The following LGSN variants were observed in gnomAD, a reference collection of about 807,000 sequenced individuals.
The protein encoded by LGSN is lengsin.
A neutral mutation model predicts 19.5 loss-of-function variants in LGSN; 21 were observed. That is an observed-to-expected ratio of 1.07 (90% confidence interval 0.76 to 1.55). The LOEUF (loss-of-function observed/expected upper bound fraction) is 1.55. Among genes scored for constraint, LGSN ranks in the 40% most tolerant of loss-of-function variants. The probability of loss-of-function intolerance (pLI) is 0.00; values close to 1 mark genes in which losing one functional copy is unlikely to be tolerated. For synonymous variants in LGSN, 257 were observed against 215.6 expected (o/e 1.19, Z -1.68); for missense variants, 673 against 608.5 (o/e 1.11, Z -1.12).
At chr6:63,412,225 GA>G in the LGSN span, among the ~76,000 whole-genome samples, 2 of 151,698 alleles carry the variant, frequency 1.3e-5, no homozygotes, top group Non-Finnish European at 2.9e-5. Flanking sequence ...AAATGAGCCG[GA>G]CATGGTGGCA....
chr6:63,357,834 T>G, the LGSN span, among the ~76,000 whole-genome samples: 6 of 152,190 alleles, frequency 3.9e-5, no homozygotes, highest in South Asian at 2.1e-4. Context: ...CTCTTTAGTT[T>G]AATTAGATCC....
the LGSN span, among the ~76,000 whole-genome samples, chr6:63,533,257 C>T: frequency 6.6e-6 from 1 of 152,128 alleles, no homozygotes; most frequent in African/African-American, 2.4e-5. Context: ...TGGCGCACAC[C>T]TGTTTTCTCA....
At chr6:63,562,880 A>C in the LGSN span, among the ~76,000 whole-genome samples, 5 of 152,188 alleles carry the variant, frequency 3.3e-5, no homozygotes, top group Admixed American at 1.3e-4. Context: ...TGAAAATGTG[A>C]AATTATGGAA....
chr6:63,446,850 G>A, the LGSN span, among the ~76,000 whole-genome samples: 1 of 152,330 alleles, frequency 6.6e-6, no homozygotes, highest in East Asian at 1.9e-4. Context: ...GGGAGTTTGA[G>A]ACCAGCCTGC....
At chr6:63,299,034 C>CT (rs1304432061) in intron 1 of LGSN, among the ~76,000 whole-genome samples, 4 of 152,226 alleles carry the variant, frequency 2.6e-5, no homozygotes, top group East Asian at 3.9e-4. Flanking sequence ...GTAAAGTAGG[C>CT]TTTTTTCTTT....
At chr6:63,399,649 G>A in the LGSN span, among the ~76,000 whole-genome samples, 2 of 151,568 alleles carry the variant, frequency 1.3e-5, no homozygotes, top group African/African-American at 4.9e-5. Flanking sequence ...ACCCGCCTCG[G>A]CCTCCCAAAG....
At chr6:63,526,867 T>C in the LGSN span, among the ~76,000 whole-genome samples, 1 of 148,136 alleles carries the variant, frequency 6.8e-6, no homozygotes, top group Non-Finnish European at 1.5e-5. Flanking sequence ...AGGGCTTCCA[T>C]AGGATGCATT....
chr6:63,285,817 C>T (rs1767512711), intron 2 of LGSN, 64 bp from the exon 3 acceptor site: 1 of 1,286,188 alleles, frequency 7.8e-7, no homozygotes, highest in East Asian at 2.3e-5. Context: ...CAAAAGGAGA[C>T]TGGAGACTAG....
At chr6:63,456,972 G>T in the LGSN span, among the ~76,000 whole-genome samples, 8 of 152,256 alleles carry the variant, frequency 5.3e-5, no homozygotes, top group African/African-American at 1.9e-4. Flanking sequence ...TCATTGTACT[G>T]CTTCTCCACC....
chr6:63,409,086 A>G, the LGSN span, among the ~76,000 whole-genome samples: 1 of 152,024 alleles, frequency 6.6e-6, no homozygotes, highest in Non-Finnish European at 1.5e-5. Context: ...ACTTTTTAAA[A>G]TATTTTGTAG....
chr6:63,484,736 G>GA, the LGSN span, among the ~76,000 whole-genome samples: 1 of 152,198 alleles, frequency 6.6e-6, no homozygotes, highest in African/African-American at 2.4e-5. Flanking sequence ...CCACGCAAGA[G>GA]AATATACCCA....
At chr6:63,390,871 A>AG in the LGSN span, among the ~76,000 whole-genome samples, 3 of 148,922 alleles carry the variant, frequency 2.0e-5, no homozygotes, top group African/African-American at 7.8e-5. Flanking sequence ...AAAAAAAAAA[A>AG]AAAAAAGAAA....
chr6:63,409,802 G>C, the LGSN span, among the ~76,000 whole-genome samples: 4 of 152,170 alleles, frequency 2.6e-5, no homozygotes, highest in Admixed American at 2.0e-4. Flanking sequence ...TTGGAAGGCC[G>C]AGATGGGCAG....
chr6:63,280,846 A>G lies in LGSN; in HGVS notation c.705T>C (p.His235=). 2 of 1,614,042 alleles carry G rather than the reference A, an allele frequency of 1.2e-6. No homozygotes were observed. The highest frequency in any genetic ancestry group is 8.5e-7 in the Non-Finnish European group (1 of 1,180,008). Residue 235 remains histidine, a synonymous_variant, in exon 4 of 4, where the codon CAT becomes CAC. Coordinates refer to ENST00000370657, the MANE Select transcript of LGSN (RefSeq NM_016571.3). ...SFPALTFLNN[H]DQPFMQELVD... The stretch of plus-strand genomic sequence containing the variant: ...CAAGTTCCTGCATGAAGGGCTGATC[A>G]TGGTTATTTAAAAATGTTAAAGCAG...
At chr6:63,551,914 T>C in the LGSN span, among the ~76,000 whole-genome samples, 1 of 152,224 alleles carries the variant, frequency 6.6e-6, no homozygotes, top group African/African-American at 2.4e-5. Context: ...GGTGTATATG[T>C]GCCACATTTT....
intron 1 of LGSN, among the ~76,000 whole-genome samples, chr6:63,317,448 A>G (rs1031681132): frequency 1.3e-5 from 2 of 152,154 alleles, no homozygotes; most frequent in Admixed American, 6.6e-5. Context: ...CTCAAATCTA[A>G]TTTTTGTCTT....
At chr6:63,332,556 G>A in the LGSN span, among the ~76,000 whole-genome samples, 11 of 152,082 alleles carry the variant, frequency 7.2e-5, no homozygotes, top group African/African-American at 7.2e-5. Flanking sequence ...GCAAATCAAC[G>A]GTCCCAACTC....
chr6:63,480,940 GATATATATATATATATATAT>G, the LGSN span, among the ~76,000 whole-genome samples: 6,480 of 59,914 alleles, frequency 0.11, 787 homozygotes, highest in African/African-American at 0.27. Context: ...TAAAGAAAAT[GATATATATATATATATATAT>G]ATATATATAT....
At chr6:63,310,868 C>T (rs1039516633) in intron 1 of LGSN, among the ~76,000 whole-genome samples, 5 of 152,300 alleles carry the variant, frequency 3.3e-5, no homozygotes, top group South Asian at 2.1e-4. Context: ...GGAGCATCAT[C>T]GTGGTGAAGT....
Sources: allele counts gnomAD v4.1 joint callset (sites outside exome capture counted in the v4.1 genomes callset), GRCh38; gene constraint gnomAD v4.1.1; transcripts MANE v1.5; gene names NCBI Gene and HGNC (gene_info 2026-07-23, HGNC 2026-07-21).